The following SPECC1 variants were observed in gnomAD, a reference collection of about 807,000 sequenced individuals.
SPECC1 encodes sperm antigen with calponin homology and coiled-coil domains 1.
SPECC1 carries 62 observed loss-of-function variants against 104.1 expected under a neutral mutation model. That is an observed-to-expected ratio of 0.60 (90% CI 0.49 to 0.74). The LOEUF (loss-of-function observed/expected upper bound fraction) is 0.74, where lower values mean the gene tolerates loss of function less well. Ranked by LOEUF, SPECC1 falls within the 30% of genes least tolerant of loss-of-function variation. The pLI is 0.00. For missense variants in SPECC1, 1,306 were observed against 1,310.5 expected (o/e 1.00, Z 0.05); for synonymous variants, 513 against 501.6 (o/e 1.02, Z -0.30).
intron 7 of SPECC1, among the ~76,000 whole-genome samples, chr17:20,240,424 C>G (rs1457001651): frequency 9.9e-5 from 15 of 151,900 alleles, no homozygotes; most frequent in Non-Finnish European, 1.9e-4. Flanking sequence ...TTATCTTTAT[C>G]ATAGAAAATT....
rs764968923 is a variant in SPECC1, at chr17:20,251,004, AT to A, written c.2599-2500del. ...CACTTTGGGAGGCCAAGGTAGGTGG[AT>A]CACTGGAGGCCAGGAGTTCAAGACC... is the stretch of plus-strand genomic sequence containing the variant. On this transcript the variant is annotated intron_variant, in intron 9 of 14. Coordinates refer to ENST00000395527, the MANE Select transcript of SPECC1 (RefSeq NM_001243439.2). Among the ~76,000 whole-genome samples, 42 of 152,198 alleles carry A rather than the reference AT, an allele frequency of 2.8e-4. 1 individual carries two copies. Among genetic ancestry groups the A allele is most frequent in the Admixed American group, 4.6e-4 (7 of 15,282 alleles).
At position 20,163,749 on chromosome 17, in the gene SPECC1, C is replaced by T. The variant is rs143383828; in HGVS notation, c.284-40584C>T. ...CTAATTTTTGTGTTTTTTATAGAGA[C>T]GGGGTCTTGCTATATTGCCCTGGCT... On this transcript the variant is annotated intron_variant, in intron 3 of 14. Coordinates refer to ENST00000395527, the MANE Select transcript of SPECC1 (RefSeq NM_001243439.2). Among the ~76,000 whole-genome samples, 880 of 152,044 alleles carry T rather than the reference C, an allele frequency of 5.8e-3. 5 individuals carry two copies. The highest frequency in any genetic ancestry group is 0.013 in the African/African-American group (525 of 41,464).
intron 1 of SPECC1, among the ~76,000 whole-genome samples, chr17:20,065,167 C>T (rs1029656461): frequency 3.3e-5 from 5 of 152,168 alleles, no homozygotes; most frequent in African/African-American, 9.7e-5. Context: ...GTCATCAACA[C>T]GGAAAAAGAC....
intron 13 of SPECC1, among the ~76,000 whole-genome samples, chr17:20,304,878 T>C (rs1319113733): frequency 6.6e-6 from 1 of 151,710 alleles, no homozygotes; most frequent in East Asian, 1.9e-4. Context: ...ACAAGGAGAA[T>C]GTTAGGACTT....
chr17:20,241,327 C>G (rs2039190906), intron 7 of SPECC1, among the ~76,000 whole-genome samples: 1 of 152,172 alleles, frequency 6.6e-6, no homozygotes, highest in Non-Finnish European at 1.5e-5. Flanking sequence ...CTTGTCACTA[C>G]TGCCCTTTAT....
intron 1 of SPECC1, among the ~76,000 whole-genome samples, chr17:20,042,308 G>A (rs1301760206): frequency 6.7e-6 from 1 of 150,298 alleles, no homozygotes; most frequent in Non-Finnish European, 1.5e-5. Flanking sequence ...CTGGCTAGGA[G>A]GGGTAGGAGT....
intron 1 of SPECC1, among the ~76,000 whole-genome samples, chr17:20,088,486 A>G (rs1246741583): frequency 1.3e-5 from 2 of 152,150 alleles, no homozygotes; most frequent in Non-Finnish European, 2.9e-5. Context: ...GAGTTCCAGA[A>G]GAGAGACGAT....
rs1194777394 is a variant in SPECC1, at chr17:20,316,033, C to CG, written c.*1971dup. Reference sequence around the variant, plus strand: ...TGGCAGCCACAAGGCAGGCAGCCTGCGGGAGCTCCTGAGCAGCTGTTGGGC... The same window carrying CG: ...TGGCAGCCACAAGGCAGGCAGCCTGCGGGGAGCTCCTGAGCAGCTGTTGGGC... On this transcript the variant is annotated 3_prime_UTR_variant, in exon 15 of 15. Transcript: ENST00000395527. 2 of 232,346 alleles carry CG rather than the reference C, an allele frequency of 8.6e-6. No individual in the cohort carries two copies. Among genetic ancestry groups the CG allele is most frequent in the African/African-American group, 4.4e-5 (2 of 45,294 alleles). The allele number at this position is 232,346 out of a possible 1,614,324, so 14.4% of individuals were successfully genotyped here.
intron 14 of SPECC1, among the ~76,000 whole-genome samples, chr17:20,310,827 A>G (rs1290974455): frequency 6.6e-6 from 1 of 152,174 alleles, no homozygotes; most frequent in African/African-American, 2.4e-5. Context: ...TTAAATAGCT[A>G]ATTTGTGCTT....
chr17:20,011,419 G>A (rs1013042916), intron 1 of SPECC1, among the ~76,000 whole-genome samples: 1 of 151,618 alleles, frequency 6.6e-6, no homozygotes, highest in Non-Finnish European at 1.5e-5. Flanking sequence ...GCATAATGTT[G>A]TATATAGTAT....
chr17:20,217,950 T>C (rs1440064247), intron 4 of SPECC1, among the ~76,000 whole-genome samples: 4 of 152,098 alleles, frequency 2.6e-5, no homozygotes, highest in African/African-American at 9.7e-5. Flanking sequence ...GGAGAATGGC[T>C]TGAGCCAGGA....
intron 1 of SPECC1, among the ~76,000 whole-genome samples, chr17:20,032,071 A>C (rs1160070330): frequency 6.6e-6 from 1 of 152,150 alleles, no homozygotes; most frequent in African/African-American, 2.4e-5. Flanking sequence ...TGAGCACTTC[A>C]AATATGTTAT....
intron 3 of SPECC1, among the ~76,000 whole-genome samples, chr17:20,136,599 C>G (rs372957619): frequency 1.3e-4 from 20 of 152,298 alleles, no homozygotes; most frequent in East Asian, 7.7e-4. Flanking sequence ...CAAGTTCACC[C>G]ACCAGTGGTG....
chr17:20,231,174 T>C (rs1005011979), intron 5 of SPECC1, among the ~76,000 whole-genome samples: 32 of 152,184 alleles, frequency 2.1e-4, no homozygotes, highest in African/African-American at 7.2e-4. Flanking sequence ...AGATGTTAAA[T>C]GCACACATCC....
intron 1 of SPECC1, chr17:20,056,318 T>A (rs2045960855): frequency 5.3e-6 from 1 of 189,572 alleles, no homozygotes; most frequent in African/African-American, 2.3e-5. Context: ...GGCCACCTGG[T>A]GCGGCTTGGG....
At chr17:20,096,523 A>T in intron 1 of SPECC1, 108 bp from the exon 2 acceptor site, 2 of 1,265,794 alleles carry the variant, frequency 1.6e-6, no homozygotes, top group Non-Finnish European at 2.2e-6. Flanking sequence ...AGGTGCTCCT[A>T]CTCTGTGATA....
chr17:20,038,566 C>A (rs8065337), intron 1 of SPECC1, among the ~76,000 whole-genome samples: 81,373 of 151,724 alleles, frequency 0.54, 22,785 homozygotes, highest in African/African-American at 0.67. Flanking sequence ...CGCTTGGCTA[C>A]TTTTTGTAGT....
At chr17:20,237,168 G>C in intron 7 of SPECC1, 2 of 1,339,468 alleles carry the variant, frequency 1.5e-6, no homozygotes, top group Non-Finnish European at 1.9e-6. Context: ...ATGAAGTTCT[G>C]AAAAAAACAA....
At chr17:20,179,318 T>C (rs1266867090) in intron 3 of SPECC1, among the ~76,000 whole-genome samples, 1 of 152,264 alleles carries the variant, frequency 6.6e-6, no homozygotes, top group Non-Finnish European at 1.5e-5. Flanking sequence ...GGCCACTGCT[T>C]TCTGGGATCT....
Sources: gnomAD v4.1 joint callset for allele counts (sites outside exome capture counted in the v4.1 genomes callset) on GRCh38, gnomAD v4.1.1 for gene constraint, MANE v1.5 for transcripts, NCBI Gene and HGNC (gene_info 2026-07-23, HGNC 2026-07-21) for gene names.